Variants in ATG9A observed in about 807,000 individuals in gnomAD.
ATG9A encodes the protein autophagy related 9A, also known as autophagy-related protein 9A.
ATG9A carries 21 observed loss-of-function variants against 87.1 expected under a neutral mutation model. The ratio of observed to expected loss-of-function variants is 0.24; its 90% CI spans 0.17 to 0.35. The LOEUF (loss-of-function observed/expected upper bound fraction) is 0.35, where lower values mean the gene tolerates loss of function less well. Ranked by LOEUF, ATG9A falls within the 10% of genes least tolerant of loss-of-function variation. The probability of loss-of-function intolerance (pLI) is 1.00; values close to 1 mark genes in which losing one functional copy is unlikely to be tolerated. For missense variants in ATG9A, 836 were observed against 1,107.3 expected, an observed-to-expected ratio of 0.76 and a Z score of 3.48; for synonymous variants, 422 against 441.3, an observed-to-expected ratio of 0.96 and a Z score of 0.55.
Position 219,228,033 on chromosome 2 carries a change from C to G in ATG9A, c.-9G>C, listed in dbSNP as rs780312605. 34 of 1,609,556 alleles carry G rather than the reference C, an allele frequency of 2.1e-5. No individual in the cohort carries two copies. The highest frequency in any genetic ancestry group is 2.6e-5 in the Non-Finnish European group (31 of 1,177,106). ...GTGTCAAACTGCGCCATCACCACCG[C>G]CCCCTGTCCACCTTGACCACCTGCC... is the stretch of plus-strand genomic sequence containing the variant. On this transcript the variant is annotated 5_prime_UTR_variant, in exon 3 of 16. Transcript: ENST00000361242.
At position 219,224,637 on chromosome 2, in the gene ATG9A, C is replaced by T. The variant is rs771444739; in HGVS notation, c.734G>A (p.Arg245His). The T allele has an allele frequency of 6.2e-6, 10 of 1,614,206 alleles. No individual in the cohort carries two copies. The highest frequency in any genetic ancestry group is 1.7e-5 in the Admixed American group (1 of 60,024). The stretch of plus-strand genomic sequence containing the variant: ...CAGCTCAAAGTTGTACTTGAGACCA[C>T]GGGTGAAGAAGACAGCTTCCCCGAG... The part of the protein sequence containing the change: ...PGLGEAVFFT[R>H]GLKYNFELIL... The change falls in exon 8 of 16, where the codon CGT becomes CAT. Residue 245 changes from arginine to histidine, a missense_variant. This residue lies in a region of ATG9A where 512 missense variants were observed against 759.6 expected (regional missense o/e 0.67). Coordinates refer to ENST00000361242, the MANE Select transcript of ATG9A (RefSeq NM_001077198.3). This position sits in a 1 kb window ranked among gnomAD's most constrained non-coding sequence, Gnocchi z 7.7.
intron 13 of ATG9A, 91 bp from the exon 14 acceptor site, chr2:219,221,393 T>C: frequency 6.4e-6 from 8 of 1,243,668 alleles, no homozygotes; most frequent in Non-Finnish European, 7.7e-6. Flanking sequence ...GTTCCCGCTT[T>C]ACCCCTTCCC....
Position 219,222,283 on chromosome 2 carries a change from C to T in ATG9A, c.2016G>A (p.Met672Ile). ...QAPTGRAHST[M>I]TGSGVDARTA... The stretch of plus-strand genomic sequence containing the variant: ...CCCGATTTACTCACCCAGAGCCTGT[C>T]ATGGTGCTGTGAGCCCGGCCTGTGG... The change falls in exon 12 of 16, where the codon ATG becomes ATA. Residue 672 changes from methionine to isoleucine, a missense_variant. By Grantham distance (10) the Met-to-Ile change is conservative (BLOSUM62 1). Coordinates refer to ENST00000361242, the MANE Select transcript of ATG9A (RefSeq NM_001077198.3). This position sits in a 1 kb window ranked among gnomAD's most constrained non-coding sequence, Gnocchi z 4.3. The T allele has an allele frequency of 6.2e-7, 1 of 1,613,502 alleles. No homozygotes were observed. The highest frequency in any genetic ancestry group is 1.3e-5 in the African/African-American group (1 of 75,058).
Position 219,224,669 on chromosome 2 carries a change from C to A in ATG9A, c.702G>T (p.Leu234=). 1.2e-6 allele frequency: 2 copies of A among 1,614,218 alleles called. No individual in the cohort carries two copies. The highest frequency in any genetic ancestry group is 1.7e-6 in the Non-Finnish European group (2 of 1,180,054). The change falls in exon 8 of 16, where the codon CTG becomes CTT. Residue 234 remains leucine (L), a synonymous_variant. Transcript: ENST00000361242. The surrounding 1 kb of genome is among the most constrained non-coding windows in gnomAD (Gnocchi z 7.7). ...AGAAGACAGCTTCCCCGAGGCCAGG[C>A]AGGCGGAAGCGCAGAGGCAGGAGGG... The part of the protein sequence containing the change: ...NKSLLPLRFR[L]PGLGEAVFFT...
At position 219,220,350 on chromosome 2, in the gene ATG9A, AG is replaced by A. The variant is rs1030919760; in HGVS notation, c.*96del. ...ACACAAACACCACACACGTGGGGCCAGGGAACACTCAGAGGAGCCGTCCCAT... is the reference window on the plus strand; with the variant it reads ...ACACAAACACCACACACGTGGGGCCAGGAACACTCAGAGGAGCCGTCCCAT... On this transcript the variant is annotated 3_prime_UTR_variant, in exon 16 of 16. Transcript: ENST00000361242. The A allele has an allele frequency of 4.8e-5, 72 of 1,493,704 alleles. No individual in the cohort carries two copies. The African/African-American group carries it at 9.5e-4, about 20-fold the overall frequency. 92.5% of individuals were successfully genotyped at this position (1,493,704 alleles called of 1,614,324 possible).
chr2:219,223,749 C>T lies in ATG9A; in HGVS notation c.1435G>A (p.Glu479Lys). Residue 479 changes from glutamate (E) to lysine (K), a missense_variant, in exon 10 of 16, where the codon GAG becomes AAG. Coordinates refer to ENST00000361242, the MANE Select transcript of ATG9A (RefSeq NM_001077198.3). This position sits in a 1 kb window ranked among gnomAD's most constrained non-coding sequence, Gnocchi z 4.7. ...FQYKAVFILE[E>K]LLSPIVTPLI... ...GGTGTGACAATGGGGCTCAGCAACT[C>T]TTCCAAAATGAACACCTAAAAGGGC... 1 of 1,613,038 alleles carries T rather than the reference C, an allele frequency of 6.2e-7. No homozygotes were observed. The highest frequency in any genetic ancestry group is 8.5e-7 in the Non-Finnish European group (1 of 1,179,432).
chr2:219,220,747 C>G lies in ATG9A; in HGVS notation c.2514G>C (p.Lys838Asn). 1 of 1,612,966 alleles carries G rather than the reference C, an allele frequency of 6.2e-7. No homozygotes were observed. Among genetic ancestry groups the G allele is most frequent in the Non-Finnish European group, 8.5e-7 (1 of 1,179,648 alleles). ...SEDELPPQVHKV is the reference protein window; with the variant it reads ...SEDELPPQVHNV The stretch of plus-strand genomic sequence containing the variant: ...TTTTCCTAGGCCCCGGGGCCCTTAC[C>G]TTGTGCACCTGAGGGGGTAGCTCAT... The change falls in exon 15 of 16, where the codon AAG (lysine) becomes AAC (asparagine). Residue 838 changes from lysine (K) to asparagine (N), a missense_variant and splice_region_variant. Coordinates refer to ENST00000361242, the MANE Select transcript of ATG9A (RefSeq NM_001077198.3).
rs777105922 is a variant in ATG9A, at chr2:219,222,207, C to T, written c.2028-40G>A. The T allele has an allele frequency of 1.2e-6, 2 of 1,613,310 alleles. No individual in the cohort carries two copies. The highest frequency in any genetic ancestry group is 1.7e-6 in the Non-Finnish European group (2 of 1,179,672). The stretch of plus-strand genomic sequence containing the variant: ...AGAGACAGACAGCAGCTGTGAACTT[C>T]TCTGAGACCCACACAAGCTGCTGAG... On this transcript the variant is annotated intron_variant, in intron 12 of 15. Coordinates refer to ENST00000361242, the MANE Select transcript of ATG9A (RefSeq NM_001077198.3). This position sits in a 1 kb window ranked among gnomAD's most constrained non-coding sequence, Gnocchi z 4.3.
chr2:219,226,448 G>A lies in ATG9A; in HGVS notation c.212+421C>T, dbSNP rs547544493. ...GCCTATAATCCCGGCACTTCGGGAG[G>A]TTGAGGCGGGCAGATAACCCGAGGT... On this transcript the variant is annotated intron_variant, in intron 5 of 15. Coordinates refer to ENST00000361242, the MANE Select transcript of ATG9A (RefSeq NM_001077198.3). 1.4e-4 allele frequency among the ~76,000 whole-genome samples: 22 copies of A among 152,334 alleles called. No homozygotes were observed. In the South Asian group the frequency reaches 4.6e-3, roughly 32 times the overall value.
chr2:219,228,101 C>A, intron 2 of ATG9A, 48 bp from the exon 3 acceptor site: 1 of 1,356,330 alleles, frequency 7.4e-7, no homozygotes, highest in African/African-American at 1.5e-5. Context: ...CCAGCTGCTG[C>A]CCATGGGCTG....
At chr2:219,225,371 A>T (rs1315550484) in intron 6 of ATG9A, 40 bp downstream of exon 6, 16 of 1,606,544 alleles carry the variant, frequency 1.0e-5, no homozygotes, top group Non-Finnish European at 1.1e-5. Flanking sequence ...CTGCTAGCAG[A>T]ACTCAAGGCT....
At chr2:219,227,323 G>A (rs1950882065) in intron 4 of ATG9A, among the ~76,000 whole-genome samples, 1 of 152,228 alleles carries the variant, frequency 6.6e-6, no homozygotes, top group East Asian at 1.9e-4. Flanking sequence ...TTCGAGACCA[G>A]CCTTGCCACA....
At position 219,225,198 on chromosome 2, in the gene ATG9A, C is replaced by G. The variant is rs920562193; in HGVS notation, c.389G>C (p.Gly130Ala). The part of the protein sequence containing the change: ...QVCSARIQEN[G>A]SLITILVIAG... Reference sequence around the variant, plus strand: ...AATGACCAGGATGGTGATAAGGGAGCCATTTTCCTGAATCCTGGTGGGGAA... The same window carrying G: ...AATGACCAGGATGGTGATAAGGGAGGCATTTTCCTGAATCCTGGTGGGGAA... Residue 130 changes from glycine (G) to alanine (A), a missense_variant, in exon 7 of 16, where the codon GGC becomes GCC. Transcript: ENST00000361242. 5.0e-6 allele frequency: 8 copies of G among 1,613,706 alleles called. No individual in the cohort carries two copies. The highest frequency in any genetic ancestry group is 6.8e-6 in the Non-Finnish European group (8 of 1,179,896).
chr2:219,227,922 A>C lies in ATG9A; in HGVS notation c.103T>G (p.Ser35Ala). 6.2e-7 allele frequency: 1 copy of C among 1,614,062 alleles called. No individual in the cohort carries two copies. Residue 35 changes from serine (S) to alanine (A), a missense_variant and splice_region_variant, in exon 3 of 16, where the codon TCA becomes GCA. Physicochemically the swap from Ser to Ala is moderately conservative, Grantham distance 99. Around this residue, in one of 2 missense-constraint regions of ATG9A, gnomAD observed 512 missense variants for 759.6 expected, o/e 0.67. Coordinates refer to ENST00000361242, the MANE Select transcript of ATG9A (RefSeq NM_001077198.3). Reference protein sequence around the residue: ...LLVHVAEGSKSPWHHIENLDL... With the variant: ...LLVHVAEGSKAPWHHIENLDL... ...ATGGCTGTCATATCCAAGAACTCACACTTGCTCCCCTCGGCGACGTGCACC... is the reference window on the plus strand; with the variant it reads ...ATGGCTGTCATATCCAAGAACTCACCCTTGCTCCCCTCGGCGACGTGCACC...
Position 219,227,952 on chromosome 2 carries a change from G to C in ATG9A, c.73C>G (p.Leu25Val). 1 of 1,614,156 alleles carries C rather than the reference G, an allele frequency of 6.2e-7. No homozygotes were observed. The highest frequency in any genetic ancestry group is 8.5e-7 in the Non-Finnish European group (1 of 1,180,010). The change falls in exon 3 of 16, where the codon CTG becomes GTG. Residue 25 changes from leucine to valine, a missense_variant. Transcript: ENST00000361242. The stretch of plus-strand genomic sequence containing the variant: ...CTCCCCTCGGCGACGTGCACCAACA[G>C]GTCCTCCTCCCCTGGGGGTGAATCA... ...YSDSPPGEED[L>V]LVHVAEGSKS...
In ATG9A at chr2:219,224,397, C is replaced by T; in HGVS notation, c.974G>A (p.Gly325Glu). 1 of 1,613,980 alleles carries T rather than the reference C, an allele frequency of 6.2e-7. No homozygotes were observed. The highest frequency in any genetic ancestry group is 8.5e-7 in the Non-Finnish European group (1 of 1,180,040). ...SYAEVLKREP[G>E]ALGARCWSLY... is the part of the protein sequence containing the mutation. ...TGACCAGCAGCGTGCTCCCAGGGCC[C>T]CCGGCTCCCGCTTCAGCACCTCAGC... Residue 325 changes from glycine to glutamate, a missense_variant, in exon 8 of 16, where the codon GGG (glycine) becomes GAG (glutamate). Physicochemically the swap from Gly to Glu is moderately conservative, Grantham distance 98. Coordinates refer to ENST00000361242, the MANE Select transcript of ATG9A (RefSeq NM_001077198.3). The surrounding 1 kb of genome is among the most constrained non-coding windows in gnomAD (Gnocchi z 7.7).
At position 219,223,102 on chromosome 2, in the gene ATG9A, T is replaced by TG. The variant is rs1417588638; in HGVS notation, c.1600-210_1600-209insC. Among the ~76,000 whole-genome samples the TG allele has an allele frequency of 6.6e-6, 1 of 151,200 alleles. No individual in the cohort carries two copies. The highest frequency in any genetic ancestry group is 2.4e-5 in the African/African-American group (1 of 41,092). On this transcript the variant is annotated intron_variant, in intron 10 of 15. Coordinates refer to ENST00000361242, the MANE Select transcript of ATG9A (RefSeq NM_001077198.3). This position sits in a 1 kb window ranked among gnomAD's most constrained non-coding sequence, Gnocchi z 4.7. The stretch of plus-strand genomic sequence containing the variant: ...TGTGTTGTGCCTTTTTTTTTTTTTT[T>TG]TTTGAGATGGAGTCTCGCTCTGTCG...
At position 219,228,027 on chromosome 2, in the gene ATG9A, C is replaced by G; in HGVS notation, c.-3G>C. 1 of 1,611,930 alleles carries G rather than the reference C, an allele frequency of 6.2e-7. No homozygotes were observed. Among genetic ancestry groups the G allele is most frequent in the East Asian group, 2.2e-5 (1 of 44,858 alleles). On this transcript the variant is annotated 5_prime_UTR_variant, in exon 3 of 16. Coordinates refer to ENST00000361242, the MANE Select transcript of ATG9A (RefSeq NM_001077198.3). The stretch of plus-strand genomic sequence containing the variant: ...TATTCAGTGTCAAACTGCGCCATCA[C>G]CACCGCCCCCTGTCCACCTTGACCA...
In ATG9A at chr2:219,225,200, A is replaced by G. The variant is rs761661358; in HGVS notation, c.387T>C (p.Asn129=). 8 of 1,614,100 alleles carry G rather than the reference A, an allele frequency of 5.0e-6. No homozygotes were observed. The Admixed American group carries it at 6.7e-5, about 13-fold the overall frequency. ...TGACCAGGATGGTGATAAGGGAGCC[A>G]TTTTCCTGAATCCTGGTGGGGAAAA... The part of the protein sequence containing the change: ...AQVCSARIQE[N]GSLITILVIA... Residue 129 remains asparagine, a synonymous_variant, in exon 7 of 16, where the codon AAT becomes AAC. Coordinates refer to ENST00000361242, the MANE Select transcript of ATG9A (RefSeq NM_001077198.3).
Sources: allele counts gnomAD v4.1 joint callset (sites outside exome capture counted in the v4.1 genomes callset), GRCh38; gene constraint gnomAD v4.1.1; regional missense constraint gnomAD v4.1.1; non-coding constraint Gnocchi (gnomAD v3.1); transcripts MANE v1.5; gene names NCBI Gene and HGNC (gene_info 2026-07-23, HGNC 2026-07-21).